ADARB2: variants seen among roughly 807,000 people sequenced by gnomAD.
The protein encoded by ADARB2 is adenosine deaminase RNA specific B2 (inactive), also known as inactive double-stranded RNA-specific editase B2.
A neutral mutation model predicts 62.2 loss-of-function variants in ADARB2; 25 were observed. The ratio of observed to expected loss-of-function variants is 0.40; its 90% CI spans 0.29 to 0.56. ADARB2 has a LOEUF of 0.56. Ranked by LOEUF, ADARB2 falls within the 20% of genes least tolerant of loss-of-function variation. ADARB2 has a pLI of 0.43. For missense variants in ADARB2, 1,071 were observed against 1,077.4 expected (o/e 0.99, Z 0.08); for synonymous variants, 572 against 500.8 (o/e 1.14, Z -1.90).
chr10:1,621,105 G>A (rs753611387), intron 1 of ADARB2, among the ~76,000 whole-genome samples: 5 of 152,200 alleles, frequency 3.3e-5, no homozygotes, highest in Admixed American at 1.3e-4. Flanking sequence ...GTCCTTGCAA[G>A]TATGAGAACA....
chr10:1,495,398 T>G (rs1184757853), intron 1 of ADARB2, among the ~76,000 whole-genome samples: 1 of 152,232 alleles, frequency 6.6e-6, no homozygotes, highest in African/African-American at 2.4e-5. Context: ...AAAGGAGATC[T>G]CATAAGTTCT....
Position 1,177,772 on chromosome 10 carries a change from G to A in ADARB2, c.*5421C>T, listed in dbSNP as rs543986571. 4 of 152,240 alleles carry A rather than the reference G, an allele frequency of 2.6e-5. No homozygotes were observed. The highest frequency in any genetic ancestry group is 4.8e-5 in the African/African-American group (2 of 41,454). The allele number at this position is 152,240 out of a possible 1,614,324, so 9.4% of individuals were successfully genotyped here. A position where few individuals can be genotyped will look rare whatever the true frequency, so the allele number is the denominator to read the frequency against. On this transcript the variant is annotated 3_prime_UTR_variant, in exon 10 of 10. Transcript: ENST00000381312. ...TCTCACCAGGGTTTGATCTGTCTGC[G>A]GTTCCCGCAGGAGTGATATTGTTTG...
chr10:1,296,519 G>C (rs1377335853), intron 3 of ADARB2, among the ~76,000 whole-genome samples: 1 of 152,202 alleles, frequency 6.6e-6, no homozygotes, highest in Non-Finnish European at 1.5e-5. Flanking sequence ...GAGAATTGAG[G>C]GACAGGCCTG....
intron 1 of ADARB2, among the ~76,000 whole-genome samples, chr10:1,486,039 T>C (rs1388108448): frequency 6.6e-6 from 1 of 152,194 alleles, no homozygotes; most frequent in African/African-American, 2.4e-5. Flanking sequence ...TTCTGGCCTA[T>C]GTATGGTTGT....
intron 3 of ADARB2, among the ~76,000 whole-genome samples, chr10:1,309,918 A>G (rs1160759485): frequency 6.6e-6 from 1 of 152,178 alleles, no homozygotes; most frequent in Non-Finnish European, 1.5e-5. Context: ...CTGCGGGCAC[A>G]CCTGGGGCCG....
chr10:1,362,654 C>T (rs993600043), intron 3 of ADARB2, among the ~76,000 whole-genome samples: 1 of 152,136 alleles, frequency 6.6e-6, no homozygotes, highest in African/African-American at 2.4e-5. Context: ...AGGCACAGGG[C>T]GCCTCCCTGG....
chr10:1,634,085 C>T (rs1005748330), intron 1 of ADARB2, among the ~76,000 whole-genome samples: 11 of 152,172 alleles, frequency 7.2e-5, no homozygotes, highest in Admixed American at 2.6e-4. Flanking sequence ...CTCCCACCCT[C>T]GCCTGCTCCC....
In ADARB2 at chr10:1,398,418, G is replaced by A. The variant is rs148592100; in HGVS notation, c.101-19258C>T. Among the ~76,000 whole-genome samples the A allele has an allele frequency of 8.8e-3, 1,345 of 152,320 alleles. 7 individuals carry two copies. The highest frequency in any genetic ancestry group is 0.013 in the Admixed American group (195 of 15,304). On this transcript the variant is annotated intron_variant, in intron 1 of 9. Coordinates refer to ENST00000381312, the MANE Select transcript of ADARB2 (RefSeq NM_018702.4). This position sits in a 1 kb window ranked among gnomAD's most constrained non-coding sequence, Gnocchi z 4.1. ...TGGCCTTTCACCTGTGCATGGTTGG[G>A]AGGGAGACGGGTTTCTTCCTTGGTC...
intron 3 of ADARB2, among the ~76,000 whole-genome samples, chr10:1,317,755 G>GC (rs138170656): frequency 6.7e-6 from 1 of 148,614 alleles, no homozygotes; most frequent in African/African-American, 2.5e-5. Context: ...GTAGGCCTGG[G>GC]GGGGGGTGGG....
chr10:1,447,470 C>G (rs1830985087), intron 1 of ADARB2, among the ~76,000 whole-genome samples: 1 of 152,096 alleles, frequency 6.6e-6, no homozygotes, highest in Non-Finnish European at 1.5e-5. Flanking sequence ...TTCCACCAGG[C>G]AGAACACAAT....
chr10:1,631,305 C>T (rs764723490), intron 1 of ADARB2, among the ~76,000 whole-genome samples: 9 of 152,090 alleles, frequency 5.9e-5, no homozygotes, highest in African/African-American at 9.7e-5. Context: ...TACCTGGCAC[C>T]GAGACAGGCT....
chr10:1,376,694 C>T (rs529477077), intron 2 of ADARB2, among the ~76,000 whole-genome samples: 11 of 152,268 alleles, frequency 7.2e-5, no homozygotes, highest in East Asian at 5.8e-4. Flanking sequence ...CCATTCGCTC[C>T]GCACCCCAAA....
At chr10:1,530,053 G>A (rs1037494065) in intron 1 of ADARB2, among the ~76,000 whole-genome samples, 13 of 148,892 alleles carry the variant, frequency 8.7e-5, no homozygotes, top group South Asian at 6.5e-4. Context: ...CACCATGGGC[G>A]CCTATCCACT....
chr10:1,326,848 G>A (rs1831857049), intron 3 of ADARB2, among the ~76,000 whole-genome samples: 2 of 73,182 alleles, frequency 2.7e-5, no homozygotes, highest in African/African-American at 5.3e-5. Flanking sequence ...ACGGCCCAGC[G>A]CCTCCCCACT....
intron 1 of ADARB2, among the ~76,000 whole-genome samples, chr10:1,722,159 G>A (rs963426221): frequency 9.2e-5 from 14 of 152,238 alleles, no homozygotes; most frequent in Non-Finnish European, 7.3e-5. Context: ...CACTGTGGGG[G>A]TGCTACAACG....
intron 1 of ADARB2, among the ~76,000 whole-genome samples, chr10:1,451,676 G>A (rs2131902149): frequency 1.1e-5 from 1 of 89,130 alleles, no homozygotes; most frequent in South Asian, 3.2e-4. Context: ...TATAACAGGG[G>A]ACACACCTGT....
In ADARB2 at chr10:1,704,520, T is replaced by C. The variant is rs1834862894; in HGVS notation, c.100+32531A>G. Among the ~76,000 whole-genome samples the C allele has an allele frequency of 6.6e-6, 1 of 152,140 alleles. No homozygotes were observed. Among genetic ancestry groups the C allele is most frequent in the Admixed American group, 6.5e-5 (1 of 15,276 alleles). ...CAGAAGGCAGAGCTCAGACATAATGTGAGTGGCAGAGAGTGGCTGTAAATA... is the reference window on the plus strand; with the variant it reads ...CAGAAGGCAGAGCTCAGACATAATGCGAGTGGCAGAGAGTGGCTGTAAATA... On this transcript the variant is annotated intron_variant, in intron 1 of 9. Transcript: ENST00000381312. The surrounding 1 kb of genome is among the most constrained non-coding windows in gnomAD (Gnocchi z 5.6).
chr10:1,604,218 C>G (rs1407080576), intron 1 of ADARB2, among the ~76,000 whole-genome samples: 1 of 152,168 alleles, frequency 6.6e-6, no homozygotes, highest in East Asian at 1.9e-4. Context: ...CAGATAAATT[C>G]TAGCTCTCAA....
At chr10:1,667,047 C>T (rs1010808424) in intron 1 of ADARB2, among the ~76,000 whole-genome samples, 9 of 152,166 alleles carry the variant, frequency 5.9e-5, no homozygotes. Context: ...TCTGTAACGG[C>T]AGTTGACTTA....
Sources: gnomAD v4.1 joint callset for allele counts (sites outside exome capture counted in the v4.1 genomes callset) on GRCh38, gnomAD v4.1.1 for gene constraint, Gnocchi (gnomAD v3.1) non-coding constraint, MANE v1.5 for transcripts, NCBI Gene and HGNC (gene_info 2026-07-23, HGNC 2026-07-21) for gene names.